IL17RA: variants seen among roughly 807,000 people sequenced by gnomAD.
IL17RA encodes interleukin 17 receptor A.
Under a neutral mutation model 50.4 loss-of-function variants are expected in IL17RA, and 34 were observed. The ratio of observed to expected loss-of-function variants is 0.67; its 90% CI spans 0.51 to 0.90. IL17RA has a LOEUF of 0.90. Among genes scored for constraint, IL17RA ranks in the 40% least tolerant of loss-of-function variants. IL17RA has a pLI of 0.00. For synonymous variants in IL17RA, 585 were observed against 510.4 expected, an observed-to-expected ratio of 1.15 and a Z score of -1.97; for missense variants, 1,276 against 1,169.8, an observed-to-expected ratio of 1.09 and a Z score of -1.32.
chr22:17,085,303 G>A, intron 1 of IL17RA, 74 bp downstream of exon 1: 3 of 1,523,796 alleles, frequency 2.0e-6, no homozygotes, highest in Non-Finnish European at 1.8e-6. Context: ...GGGCCGGACG[G>A]TCGGGACTAC....
In IL17RA at chr22:17,108,753, G is replaced by A. The variant is rs752747061; in HGVS notation, c.1534G>A (p.Asp512Asn). The change falls in exon 13 of 13, where the codon GAC becomes AAC. Residue 512 changes from aspartate to asparagine, a missense_variant. By Grantham distance (23) the Asp-to-Asn change is conservative (BLOSUM62 1). Transcript: ENST00000319363. ...CYFSEVSCDGDVPDLFGAAPR... is the reference protein window; with the variant it reads ...CYFSEVSCDGNVPDLFGAAPR... ...CTTCAGCGAGGTCAGCTGTGACGGC[G>A]ACGTCCCCGACCTGTTCGGCGCGGC... 14 of 1,611,254 alleles carry A rather than the reference G, an allele frequency of 8.7e-6. No homozygotes were observed. Among genetic ancestry groups the A allele is most frequent in the Admixed American group, 1.7e-5 (1 of 59,834 alleles).
At chr22:17,098,074 C>A in intron 3 of IL17RA, 131 bp downstream of exon 3, 2 of 1,038,194 alleles carry the variant, frequency 1.9e-6, no homozygotes, top group Non-Finnish European at 2.9e-6. Context: ...TATAAGGATC[C>A]GTCATTTCAT....
rs2061462095 is a variant in IL17RA at position 17,115,111 on chromosome 22, T to G, written c.*5291T>G. 1 of 152,268 alleles carries G rather than the reference T, an allele frequency of 6.6e-6. No homozygotes were observed. The highest frequency in any genetic ancestry group is 2.4e-5 in the African/African-American group (1 of 41,462). 9.4% of individuals were successfully genotyped at this position (152,268 alleles called of 1,614,324 possible). ...GCACCTGTCACAAAGTGCCTTCTGA[T>G]ATGCCTGGCAAACCAAAATCGGTGA... On this transcript the variant is annotated 3_prime_UTR_variant, in exon 13 of 13. Transcript: ENST00000319363.
chr22:17,089,532 C>T (rs556386320), intron 1 of IL17RA, among the ~76,000 whole-genome samples: 3 of 152,248 alleles, frequency 2.0e-5, no homozygotes, highest in South Asian at 2.1e-4. Context: ...AGATGCCTCA[C>T]GTAATGCCAT....
chr22:17,093,971 C>CTTTATTTTATTTTATT (rs1483673128), intron 1 of IL17RA: 6 of 69,750 alleles, frequency 8.6e-5, no homozygotes, highest in South Asian at 3.8e-4. Flanking sequence ...TTTATTTTAT[C>CTTTATTTTATTTTATT]TTACTTTATT....
intron 1 of IL17RA, 200 bp downstream of exon 1, chr22:17,085,429 T>C: frequency 2.0e-6 from 1 of 499,564 alleles, no homozygotes; most frequent in Non-Finnish European, 2.6e-6. Flanking sequence ...AGTTGCGGTG[T>C]GGAATACGGG....
At chr22:17,097,438 G>A (rs2061372268) in intron 2 of IL17RA, 1 of 509,434 alleles carries the variant, frequency 2.0e-6, no homozygotes, top group Non-Finnish European at 3.5e-6. Flanking sequence ...ATTCAAAGAG[G>A]CACATATTCA....
chr22:17,098,640 A>T lies in IL17RA; in HGVS notation c.311-135A>T. 3 of 726,674 alleles carry T rather than the reference A, an allele frequency of 4.1e-6. No individual in the cohort carries two copies. In the East Asian group the frequency reaches 8.0e-5, roughly 19 times the overall value. 45.0% of individuals were successfully genotyped at this position (726,674 alleles called of 1,614,324 possible). A position where few individuals can be genotyped will look rare whatever the true frequency, so the allele number is the denominator to read the frequency against. On this transcript the variant is annotated intron_variant, in intron 3 of 12. Coordinates refer to ENST00000319363, the MANE Select transcript of IL17RA (RefSeq NM_014339.7). ...GGCCAGAGAGTGAACTGAAAGGAACAGGATGTGGAGAGTTGGGTAAGACGG... is the reference window on the plus strand; with the variant it reads ...GGCCAGAGAGTGAACTGAAAGGAACTGGATGTGGAGAGTTGGGTAAGACGG...
intron 1 of IL17RA, among the ~76,000 whole-genome samples, chr22:17,095,446 G>A (rs1482538062): frequency 2.0e-5 from 3 of 152,150 alleles, no homozygotes. Flanking sequence ...CACTTTCCTT[G>A]TGGTCTTCAT....
In IL17RA at chr22:17,108,936, A is replaced by G; in HGVS notation, c.1717A>G (p.Arg573Gly). The change falls in exon 13 of 13, where the codon AGG (arginine) becomes GGG (glycine). Residue 573 changes from arginine to glycine, a missense_variant. Transcript: ENST00000319363. ...CAGGCAGCTCCGCGCCGCCCTGGAC[A>G]GGTTCCGGGACTGGCAGGTCCGCTG... ...GGRQLRAALD[R>G]FRDWQVRCPD... 2 of 1,611,364 alleles carry G rather than the reference A, an allele frequency of 1.2e-6. No homozygotes were observed. Among genetic ancestry groups the G allele is most frequent in the Non-Finnish European group, 1.7e-6 (2 of 1,179,612 alleles).
intron 1 of IL17RA, among the ~76,000 whole-genome samples, chr22:17,090,584 A>T (rs887107662): frequency 6.6e-6 from 1 of 152,194 alleles, no homozygotes; most frequent in Non-Finnish European, 1.5e-5. Flanking sequence ...CTTCTGAGAT[A>T]TACCTCCATA....
chr22:17,098,702 A>G, intron 3 of IL17RA, 73 bp from the exon 4 acceptor site: 4 of 1,173,450 alleles, frequency 3.4e-6, no homozygotes, highest in Non-Finnish European at 5.1e-6. Context: ...CGCAACAGAT[A>G]GGGAAGTGAC....
At chr22:17,089,983 C>CTT (rs34886393) in intron 1 of IL17RA, among the ~76,000 whole-genome samples, 132 of 148,354 alleles carry the variant, frequency 8.9e-4, no homozygotes, top group Middle Eastern at 3.5e-3. Context: ...ATCCCGAACA[C>CTT]TTTTTTTTTT....
At position 17,113,006 on chromosome 22, in the gene IL17RA, T is replaced by TTG. The variant is rs2061450905; in HGVS notation, c.*3187_*3188insGT. ...TGATCCTAGTTTTTTTTTTGTTTTT[T>TTG]TTTTTTTTAAGGAATAATTACTTTG... is the stretch of plus-strand genomic sequence containing the variant. On this transcript the variant is annotated 3_prime_UTR_variant, in exon 13 of 13. Transcript: ENST00000319363. The TTG allele has an allele frequency of 6.6e-6, 1 of 151,812 alleles. No homozygotes were observed. The highest frequency in any genetic ancestry group is 1.5e-5 in the Non-Finnish European group (1 of 67,978). 9.4% of individuals were successfully genotyped at this position (151,812 alleles called of 1,614,324 possible).
At chr22:17,104,836 C>T in intron 9 of IL17RA, 26 bp downstream of exon 9, 2 of 1,608,758 alleles carry the variant, frequency 1.2e-6, no homozygotes, top group Non-Finnish European at 1.7e-6. Flanking sequence ...CTGTCCTAGG[C>T]CATACTGGGA....
rs35718705 is a variant in IL17RA at position 17,100,141 on chromosome 22, T to TAAAA, written c.424-197_424-194dup. 4.0e-3 allele frequency among the ~76,000 whole-genome samples: 490 copies of TAAAA among 121,512 alleles called. 1 individual carries two copies. The highest frequency in any genetic ancestry group is 0.013 in the African/African-American group (449 of 35,414). The allele number at this position is 121,512 out of a possible 152,430, so 79.7% of individuals were successfully genotyped here. Reference sequence around the variant, plus strand: ...CTACTGATGAGGCCAGATCCAGGTTTAAAAAAAAAAAAAAAAAAAACAGGC... The same window carrying TAAAA: ...CTACTGATGAGGCCAGATCCAGGTTTAAAAAAAAAAAAAAAAAAAAAAAACAGGC... On this transcript the variant is annotated intron_variant, in intron 4 of 12. Transcript: ENST00000319363.
chr22:17,105,469 C>A, intron 9 of IL17RA, 122 bp from the exon 10 acceptor site: 1 of 949,160 alleles, frequency 1.1e-6, no homozygotes, highest in Non-Finnish European at 1.7e-6. Flanking sequence ...CAACCTGGAT[C>A]TAGAGTGCCT....
rs770971320 is a variant in IL17RA at position 17,108,380 on chromosome 22, C to T, written c.1161C>T (p.Asp387=). The stretch of plus-strand genomic sequence containing the variant: ...AGGTCTGGATCATCTACTCAGCCGA[C>T]CACCCCCTCTACGTGGACGTGGTCC... ...PRKVWIIYSA[D]HPLYVDVVLK... is the part of the protein sequence containing the mutation. The change falls in exon 13 of 13, where the codon GAC becomes GAT. Residue 387 remains aspartate (D), a synonymous_variant. Coordinates refer to ENST00000319363, the MANE Select transcript of IL17RA (RefSeq NM_014339.7). 11 of 1,613,952 alleles carry T rather than the reference C, an allele frequency of 6.8e-6. No individual in the cohort carries two copies. The African/African-American group carries it at 1.3e-4, about 20-fold the overall frequency.
chr22:17,097,894 A>G lies in IL17RA; in HGVS notation c.261A>G (p.Gln87=). The G allele has an allele frequency of 6.2e-7, 1 of 1,614,166 alleles. No individual in the cohort carries two copies. Among genetic ancestry groups the G allele is most frequent in the Non-Finnish European group, 8.5e-7 (1 of 1,180,028 alleles). ...AGCTGCACTTTGCCCACACCCAACA[A>G]GGAGACCTGTTCCCCGTGGCTCACA... ...QIQLHFAHTQ[Q]GDLFPVAHIE... The change falls in exon 3 of 13, where the codon CAA becomes CAG. Residue 87 remains glutamine (Q), a synonymous_variant. Coordinates refer to ENST00000319363, the MANE Select transcript of IL17RA (RefSeq NM_014339.7).
Sources: gnomAD v4.1 joint callset for allele counts (sites outside exome capture counted in the v4.1 genomes callset) on GRCh38, gnomAD v4.1.1 for gene constraint, MANE v1.5 for transcripts, NCBI Gene and HGNC (gene_info 2026-07-23, HGNC 2026-07-21) for gene names.